The following RABL2A variants were observed in gnomAD, a reference collection of about 807,000 sequenced individuals.
RABL2A encodes the protein RAB, member of RAS oncogene family like 2A.
Under a neutral mutation model 30.7 loss-of-function variants are expected in RABL2A, and 17 were observed. The ratio of observed to expected loss-of-function variants is 0.55; its 90% confidence interval spans 0.38 to 0.83. The LOEUF is 0.83. Ranked by LOEUF, RABL2A falls within the 40% of genes least tolerant of loss-of-function variation. The probability of loss-of-function intolerance (pLI) is 0.00; values close to 1 mark genes in which losing one functional copy is unlikely to be tolerated. For missense variants in RABL2A, 155 were observed against 272.6 expected, an observed-to-expected ratio of 0.57 and a Z score of 3.04; for synonymous variants, 64 against 101.8, an observed-to-expected ratio of 0.63 and a Z score of 2.24.
rs1685509464 is a variant in RABL2A at position 113,642,382 on chromosome 2, C to T, written c.*253C>T. 2.6e-6 allele frequency: 2 copies of T among 781,256 alleles called. No homozygotes were observed. The highest frequency in any genetic ancestry group is 3.9e-6 in the Non-Finnish European group (2 of 510,980). The allele number at this position is 781,256 out of a possible 1,614,324, so 48.4% of individuals were successfully genotyped here. ...TAGGGATCAGCATCATTAACACCTT[C>T]CCCACCCCCTCCCCCCAGGCAGACA... On this transcript the variant is annotated 3_prime_UTR_variant, in exon 9 of 9. Coordinates refer to ENST00000683472, the MANE Select transcript of RABL2A (RefSeq NM_001306158.2).
chr2:113,631,464 T>C (rs1680317804), intron 2 of RABL2A, among the ~76,000 whole-genome samples: 2 of 152,178 alleles, frequency 1.3e-5, no homozygotes, highest in African/African-American at 4.8e-5. Context: ...CTCATTATCC[T>C]GAGGGAGTTG....
intron 5 of RABL2A, among the ~76,000 whole-genome samples, chr2:113,639,653 C>T (rs1389737190): frequency 3.5e-5 from 5 of 143,440 alleles, no homozygotes; most frequent in African/African-American, 7.8e-5. Context: ...ATCAAGAGTT[C>T]GAGACCAGCC....
chr2:113,635,150 T>C lies in RABL2A; in HGVS notation c.297+20T>C, dbSNP rs1309981544. The C allele has an allele frequency of 4.3e-6, 7 of 1,613,192 alleles. No individual in the cohort carries two copies. Among genetic ancestry groups the C allele is most frequent in the African/African-American group, 1.3e-5 (1 of 74,584 alleles). ...ATCATGGTACGAGACGGTGGGGAGG[T>C]GGACAAAGGCACTGGGCAAGTCTGG... is the stretch of plus-strand genomic sequence containing the variant. On this transcript the variant is annotated intron_variant, in intron 5 of 8. Transcript: ENST00000683472.
At chr2:113,631,184 C>G (rs190275770) in intron 2 of RABL2A, among the ~76,000 whole-genome samples, 1 of 152,116 alleles carries the variant, frequency 6.6e-6, no homozygotes, top group Non-Finnish European at 1.5e-5. Flanking sequence ...TGTGAGCCAC[C>G]GCACCCAGCC....
At chr2:113,641,298 C>G (rs1349165593) in intron 6 of RABL2A, 55 bp from the exon 7 acceptor site, 4 of 1,612,684 alleles carry the variant, frequency 2.5e-6, no homozygotes, top group South Asian at 2.2e-5. Context: ...GTGGCCCCCC[C>G]TCCAAACCTT....
In RABL2A at chr2:113,638,117, T is replaced by G. The variant is rs2595160; in HGVS notation, c.298-2777T>G. The stretch of plus-strand genomic sequence containing the variant: ...TCAGGAAACCAGATCTGGACAAAAG[T>G]CATCTGAGCCTGGTGTGAGGCAGAT... On this transcript the variant is annotated intron_variant, in intron 5 of 8. Transcript: ENST00000683472. 1.4e-3 allele frequency: 1,352 copies of G among 985,436 alleles called. 10 individuals are homozygous for G. The African/African-American group carries it at 0.02, about 14-fold the overall frequency. 61.0% of individuals were successfully genotyped at this position (985,436 alleles called of 1,614,324 possible).
intron 5 of RABL2A, among the ~76,000 whole-genome samples, chr2:113,637,053 C>G (rs1683152416): frequency 6.6e-6 from 1 of 152,116 alleles, no homozygotes; most frequent in Non-Finnish European, 1.5e-5. Flanking sequence ...AGACACCCAC[C>G]TTTCTAGCCC....
intron 4 of RABL2A, among the ~76,000 whole-genome samples, chr2:113,634,840 A>G (rs565626195): frequency 6.6e-6 from 1 of 152,222 alleles, no homozygotes; most frequent in South Asian, 2.1e-4. Context: ...CTGTCTTCCC[A>G]TACACACAGG....
chr2:113,637,009 AAAAT>A (rs1683132160), intron 5 of RABL2A, among the ~76,000 whole-genome samples: 1 of 150,084 alleles, frequency 6.7e-6, no homozygotes, highest in South Asian at 2.1e-4. Flanking sequence ...AAAAAATAAA[AAAAT>A]AAAGTCTGCC....
intron 4 of RABL2A, 53 bp downstream of exon 4, chr2:113,634,285 G>C: frequency 3.2e-6 from 5 of 1,567,590 alleles, no homozygotes; most frequent in Non-Finnish European, 4.3e-6. Flanking sequence ...GGAAATGGGA[G>C]ACGAGGGGAG....
chr2:113,632,846 G>C, intron 2 of RABL2A, 69 bp from the exon 3 acceptor site: 1 of 1,613,700 alleles, frequency 6.2e-7, no homozygotes, highest in East Asian at 2.2e-5. Flanking sequence ...GTCAGCCTTA[G>C]GGTGAAAAAG....
chr2:113,637,005 TAAAA>T (rs375997102), intron 5 of RABL2A, among the ~76,000 whole-genome samples: 31 of 109,756 alleles, frequency 2.8e-4, no homozygotes, highest in South Asian at 1.1e-3. Flanking sequence ...AATAAAAAAA[TAAAA>T]AAATAAAGTC....
intron 6 of RABL2A, 70 bp from the exon 7 acceptor site, chr2:113,641,283 C>T (rs2104851093): frequency 1.2e-6 from 2 of 1,607,454 alleles, no homozygotes; most frequent in South Asian, 1.1e-5. Flanking sequence ...GAATGAAGGC[C>T]TCCAGTGGCC....
rs866628028 is a variant in RABL2A, at chr2:113,629,535, A to T, written c.107+822A>T. Among the ~76,000 whole-genome samples the T allele has an allele frequency of 5.0e-3, 727 of 144,662 alleles. 5 individuals carry two copies. The highest frequency in any genetic ancestry group is 0.017 in the African/African-American group (670 of 38,640). 94.9% of individuals were successfully genotyped at this position (144,662 alleles called of 152,430 possible). ...ATCACACACTGCAGCTCTGGTTTAG[A>T]ATTTTTTTTTTTTTTTTGAGACGGA... On this transcript the variant is annotated intron_variant, in intron 2 of 8. Coordinates refer to ENST00000683472, the MANE Select transcript of RABL2A (RefSeq NM_001306158.2).
intron 3 of RABL2A, chr2:113,633,325 A>G: frequency 6.2e-6 from 2 of 323,392 alleles, no homozygotes; most frequent in Non-Finnish European, 1.2e-5. Context: ...ATTGAAAAAA[A>G]TCTCTGATAT....
In RABL2A at chr2:113,636,759, C is replaced by T. The variant is rs575875620; in HGVS notation, c.297+1629C>T. ...ATCCCAGCACTTTGGGTGGCCGAGG[C>T]GGGCGGATCACGAGGTCAGGAGATC... On this transcript the variant is annotated intron_variant, in intron 5 of 8. Transcript: ENST00000683472. Among the ~76,000 whole-genome samples, 9 of 152,096 alleles carry T rather than the reference C, an allele frequency of 5.9e-5. No individual in the cohort carries two copies. In the East Asian group the frequency reaches 7.8e-4, roughly 13 times the overall value.
chr2:113,629,274 C>T (rs1323090800), intron 2 of RABL2A, among the ~76,000 whole-genome samples: 1 of 152,188 alleles, frequency 6.6e-6, no homozygotes, highest in African/African-American at 2.4e-5. Flanking sequence ...CTGCTGAGGG[C>T]ACATGTCCAT....
intron 2 of RABL2A, among the ~76,000 whole-genome samples, 175 bp downstream of exon 2, chr2:113,628,888 G>A (rs1368787314): frequency 2.0e-5 from 3 of 152,184 alleles, no homozygotes; most frequent in African/African-American, 7.2e-5. Flanking sequence ...TGTGTGTGTC[G>A]GGTGGAGGGG....
rs375949042 is a variant in RABL2A, at chr2:113,634,168, G to A, written c.153G>A (p.Leu51=). ...FLMDGFQPQQ[L]STYALTLYKH... Reference sequence around the variant, plus strand: ...CTGAGTGCAGTCAGCCACAGCAGCTGTCCACGTACGCCCTGACCCTGTACA... The same window carrying A: ...CTGAGTGCAGTCAGCCACAGCAGCTATCCACGTACGCCCTGACCCTGTACA... The change falls in exon 4 of 9, where the codon CTG becomes CTA. Residue 51 remains leucine (L), a synonymous_variant. Transcript: ENST00000683472. 3 of 1,612,026 alleles carry A rather than the reference G, an allele frequency of 1.9e-6. No homozygotes were observed. The highest frequency in any genetic ancestry group is 2.5e-6 in the Non-Finnish European group (3 of 1,179,040).
Sources: allele counts gnomAD v4.1 joint callset (sites outside exome capture counted in the v4.1 genomes callset), GRCh38; gene constraint gnomAD v4.1.1; transcripts MANE v1.5; gene names NCBI Gene and HGNC (gene_info 2026-07-23, HGNC 2026-07-21).